The following HTT variants were observed in gnomAD, a reference collection of about 807,000 sequenced individuals.
HTT encodes huntingtin.
Under a neutral mutation model 362.3 loss-of-function variants are expected in HTT, and 104 were observed. The observed-to-expected ratio is 0.29, with a 90% confidence interval of 0.24 to 0.34. The LOEUF (loss-of-function observed/expected upper bound fraction) is 0.34, where lower values mean the gene tolerates loss of function less well. HTT is among the 10% of genes least tolerant of loss of function. The pLI, the probability that HTT is intolerant of heterozygous loss-of-function variation, is 1.00. For synonymous variants in HTT, 1,577 were observed against 1,548.7 expected (o/e 1.02, Z -0.43); for missense variants, 3,301 against 3,928.6 (o/e 0.84, Z 4.27).
chr4:3,188,139 G>T, intron 39 of HTT: 1 of 361,590 alleles, frequency 2.8e-6, no homozygotes, highest in Non-Finnish European at 5.1e-6. Context: ...GCCTCAGGCA[G>T]GGCAGGGCAG....
At chr4:3,225,852 T>A in intron 57 of HTT, 109 bp downstream of exon 57, 246 of 674,658 alleles carry the variant, frequency 3.6e-4, no homozygotes, top group Non-Finnish European at 5.6e-4. Flanking sequence ...TGAAAGGAAG[T>A]TTTCCTTTTT....
At position 3,132,581 on chromosome 4, in the gene HTT, C is replaced by T; in HGVS notation, c.2256C>T (p.Asp752=). 1.2e-6 allele frequency: 2 copies of T among 1,614,000 alleles called. No homozygotes were observed. Among genetic ancestry groups the T allele is most frequent in the Non-Finnish European group, 1.7e-6 (2 of 1,179,888 alleles). The part of the protein sequence containing the change: ...TEYPEEQYVS[D]ILNYIDHGDP... ...CCACAGAGGAACAGTATGTCTCAGA[C>T]ATCTTGAACTACATCGATCATGGAG... The change falls in exon 17 of 67, where the codon GAC becomes GAT. Residue 752 remains aspartate (D), a synonymous_variant. Transcript: ENST00000355072.
At chr4:3,234,855 G>A (rs1263386204) in intron 61 of HTT, among the ~76,000 whole-genome samples, 1 of 152,226 alleles carries the variant, frequency 6.6e-6, no homozygotes, top group Non-Finnish European at 1.5e-5. Context: ...GTGCCATGGG[G>A]AAGGCCGGCG....
chr4:3,091,080 C>A (rs943137581), intron 2 of HTT, among the ~76,000 whole-genome samples: 11 of 152,158 alleles, frequency 7.2e-5, no homozygotes, highest in Non-Finnish European at 1.6e-4. Context: ...CCACTGCATT[C>A]CAGCCTGGGC....
chr4:3,154,146 A>G (rs542649129), intron 26 of HTT, 147 bp from the exon 27 acceptor site: 222 of 621,188 alleles, frequency 3.6e-4, no homozygotes, highest in Admixed American at 7.4e-4. Context: ...TCTGAACTGT[A>G]CATATCAGGG....
intron 6 of HTT, among the ~76,000 whole-genome samples, chr4:3,112,174 G>A (rs1461530888): frequency 1.3e-5 from 2 of 152,136 alleles, no homozygotes; most frequent in Non-Finnish European, 2.9e-5. Flanking sequence ...AGCTTCACAA[G>A]TTCAATCCAG....
chr4:3,165,458 G>C (rs1010253345), intron 29 of HTT, among the ~76,000 whole-genome samples: 8 of 152,148 alleles, frequency 5.3e-5, no homozygotes, highest in Non-Finnish European at 1.2e-4. Context: ...ATGTTGGTCT[G>C]CCTTGCTAGG....
In HTT at chr4:3,233,281, T is replaced by G; in HGVS notation, c.8384T>G (p.Leu2795Arg). ...CTCTATGTGCTGGAGTGCGACCTGC[T>G]GGACGACACTGCCAAGCAGCTCATC... ...GVLYVLECDL[L>R]DDTAKQLIPV... Residue 2795 changes from leucine (L) to arginine (R), a missense_variant, in exon 61 of 67, where the codon CTG (leucine) becomes CGG (arginine). By Grantham distance (102) the Leu-to-Arg change is moderately radical (BLOSUM62 -2). Transcript: ENST00000355072. 6.2e-7 allele frequency: 1 copy of G among 1,611,564 alleles called. No individual in the cohort carries two copies. The highest frequency in any genetic ancestry group is 2.2e-5 in the East Asian group (1 of 44,828).
Position 3,235,798 on chromosome 4 carries a change from C to G in HTT, c.8785+20C>G, listed in dbSNP as rs770391766. 1 of 1,576,054 alleles carries G rather than the reference C, an allele frequency of 6.3e-7. No individual in the cohort carries two copies. Among genetic ancestry groups the G allele is most frequent in the East Asian group, 2.3e-5 (1 of 44,424 alleles). Reference sequence around the variant, plus strand: ...ACACAGGTGAGCATGTACACGGTGCCCATAAGGCCAGCCCAAGTCCTGTTC... The same window carrying G: ...ACACAGGTGAGCATGTACACGGTGCGCATAAGGCCAGCCCAAGTCCTGTTC... On this transcript the variant is annotated intron_variant, in intron 63 of 66. Coordinates refer to ENST00000355072, the MANE Select transcript of HTT (RefSeq NM_001388492.1).
chr4:3,225,381 G>A (rs1720863813), intron 56 of HTT, among the ~76,000 whole-genome samples: 1 of 152,224 alleles, frequency 6.6e-6, no homozygotes, highest in Non-Finnish European at 1.5e-5. Context: ...ACAGAGGTGG[G>A]AGCTGAGGGG....
rs751420110 is a variant in HTT at position 3,208,842 on chromosome 4, T to C, written c.6222T>C (p.Ser2074=). Residue 2074 remains serine, a synonymous_variant, in exon 46 of 67, where the codon TCT becomes TCC. Coordinates refer to ENST00000355072, the MANE Select transcript of HTT (RefSeq NM_001388492.1). ...CCATGCAAGACTCACTTAGTCCCTC[T>C]CCTCCAGTCTCTTCCCACCCGCTGG... ...LSTMQDSLSP[S]PPVSSHPLDG... is the part of the protein sequence containing the mutation. 3.7e-6 allele frequency: 6 copies of C among 1,614,032 alleles called. No homozygotes were observed. The highest frequency in any genetic ancestry group is 5.1e-6 in the Non-Finnish European group (6 of 1,180,006).
intron 59 of HTT, among the ~76,000 whole-genome samples, chr4:3,229,511 C>T (rs1185788219): frequency 6.7e-6 from 1 of 149,808 alleles, no homozygotes; most frequent in African/African-American, 2.5e-5. Context: ...GTGCACACAC[C>T]CCACACACAT....
rs547060784 is a variant in HTT, at chr4:3,243,092, T to C, written c.*3033T>C. On this transcript the variant is annotated 3_prime_UTR_variant, in exon 67 of 67. Coordinates refer to ENST00000355072, the MANE Select transcript of HTT (RefSeq NM_001388492.1). ...GTCATTTCAGAGCCCTCGGAGCCAA[T>C]GAACAGCTCCTCCTCTTGGAGCTGA... is the stretch of plus-strand genomic sequence containing the variant. 3.7e-4 allele frequency: 56 copies of C among 152,680 alleles called. No homozygotes were observed. The highest frequency in any genetic ancestry group is 1.3e-3 in the African/African-American group (56 of 41,548). The allele number at this position is 152,680 out of a possible 1,614,324, so 9.5% of individuals were successfully genotyped here.
At chr4:3,222,136 G>T (rs967154920) in intron 53 of HTT, among the ~76,000 whole-genome samples, 1 of 152,244 alleles carries the variant, frequency 6.6e-6, no homozygotes, top group Non-Finnish European at 1.5e-5. Context: ...TGCCAGGGCC[G>T]ACTTGGGCCT....
chr4:3,230,124 G>A (rs1229828855), intron 60 of HTT, 82 bp downstream of exon 60: 6 of 1,209,796 alleles, frequency 5.0e-6, no homozygotes, highest in South Asian at 1.2e-5. Flanking sequence ...GGCCAGAGGT[G>A]CCGGGTGCGG....
intron 46 of HTT, among the ~76,000 whole-genome samples, chr4:3,209,177 C>T (rs1241917741): frequency 6.6e-6 from 1 of 152,146 alleles, no homozygotes; most frequent in Non-Finnish European, 1.5e-5. Flanking sequence ...CCTGCAGGCC[C>T]CTGACTGCAC....
intron 59 of HTT, among the ~76,000 whole-genome samples, chr4:3,229,280 ACACACACTCCACAT>A (rs1721095294): frequency 7.5e-6 from 1 of 132,792 alleles, no homozygotes; most frequent in African/African-American, 2.9e-5. Context: ...TGCCACATGC[ACACACACTCCACAT>A]GCATGCACCA....
chr4:3,172,539 C>T (rs1718039803), intron 30 of HTT, 142 bp downstream of exon 30: 1 of 702,796 alleles, frequency 1.4e-6, no homozygotes, highest in South Asian at 1.6e-5. Context: ...TGGCTCAGTC[C>T]ATGATTGAGC....
intron 20 of HTT, 39 bp downstream of exon 20, chr4:3,136,006 A>T: frequency 7.3e-7 from 1 of 1,378,478 alleles, no homozygotes; most frequent in Non-Finnish European, 1.0e-6. Flanking sequence ...TTTTACCTTC[A>T]AGAAGGTGAA....
Sources: allele counts gnomAD v4.1 joint callset (sites outside exome capture counted in the v4.1 genomes callset), GRCh38; gene constraint gnomAD v4.1.1; transcripts MANE v1.5; gene names NCBI Gene and HGNC (gene_info 2026-07-23, HGNC 2026-07-21).